SPATA12: variants seen among roughly 807,000 people sequenced by gnomAD.
SPATA12 encodes the protein spermatogenesis-associated protein 12.
For synonymous variants in SPATA12, 85 were observed against 89.2 expected (o/e 0.95, Z 0.26); for missense variants, 219 against 226.4 (o/e 0.97, Z 0.21).
At chr3:57,061,752 C>T (rs1375880218) in intron 1 of SPATA12, among the ~76,000 whole-genome samples, 1 of 152,204 alleles carries the variant, frequency 6.6e-6, no homozygotes, top group African/African-American at 2.4e-5. Flanking sequence ...AGTGAGCAGT[C>T]TCTCATCCTG....
At chr3:57,063,477 G>A (rs1705348002) in intron 1 of SPATA12, among the ~76,000 whole-genome samples, 1 of 152,158 alleles carries the variant, frequency 6.6e-6, no homozygotes, top group Non-Finnish European at 1.5e-5. Flanking sequence ...CCTGGAGGGT[G>A]GTAGGAGCGG....
intron 1 of SPATA12, among the ~76,000 whole-genome samples, chr3:57,068,854 A>G (rs1705713226): frequency 6.6e-6 from 1 of 152,102 alleles, no homozygotes; most frequent in Non-Finnish European, 1.5e-5. Context: ...GGATGGAAAC[A>G]AAATCCCTAT....
intron 1 of SPATA12, among the ~76,000 whole-genome samples, chr3:57,071,659 C>CAAA (rs34281617): frequency 3.2e-5 from 4 of 124,920 alleles, no homozygotes; most frequent in Non-Finnish European, 3.5e-5. Flanking sequence ...AACTCCATCT[C>CAAA]AAAAAAAAAA....
chr3:57,060,810 A>G (rs1275336875), intron 1 of SPATA12, 24 bp downstream of exon 1: 1 of 53,774 alleles, frequency 1.9e-5, no homozygotes, highest in African/African-American at 6.8e-5. Flanking sequence ...CTGCCGCCCC[A>G]CCCCCACCCC....
rs1250968278 is a variant in SPATA12 at position 57,074,474 on chromosome 3, G to A, written c.*207G>A. 1.7e-6 allele frequency: 1 copy of A among 594,976 alleles called. No individual in the cohort carries two copies. The highest frequency in any genetic ancestry group is 3.1e-6 in the Non-Finnish European group (1 of 327,806). 36.9% of individuals were successfully genotyped at this position (594,976 alleles called of 1,614,324 possible). A position where few individuals can be genotyped will look rare whatever the true frequency, so the allele number is the denominator to read the frequency against. On this transcript the variant is annotated 3_prime_UTR_variant, in exon 2 of 2. Transcript: ENST00000334325. ...GATGAAGAAATCAAGATTCAGAAAG[G>A]TTAAGTTACTGGCACAAGGTCACAC...
intron 1 of SPATA12, among the ~76,000 whole-genome samples, chr3:57,063,601 G>A (rs1705359293): frequency 6.6e-6 from 1 of 152,242 alleles, no homozygotes; most frequent in African/African-American, 2.4e-5. Flanking sequence ...AGGAGGTTGG[G>A]GTGCTCCTTA....
At chr3:57,065,388 G>C (rs1219954357) in intron 1 of SPATA12, among the ~76,000 whole-genome samples, 2 of 152,060 alleles carry the variant, frequency 1.3e-5, no homozygotes, top group Non-Finnish European at 2.9e-5. Context: ...TTGAGCCCAG[G>C]AGGCAGAGGT....
intron 1 of SPATA12, among the ~76,000 whole-genome samples, chr3:57,064,251 T>A (rs1705399062): frequency 6.6e-6 from 1 of 152,036 alleles, no homozygotes; most frequent in Admixed American, 6.6e-5. Context: ...AGTGACAGAG[T>A]GAGGCCCCGT....
intron 1 of SPATA12, among the ~76,000 whole-genome samples, chr3:57,061,266 T>C (rs1705209621): frequency 6.6e-6 from 1 of 152,214 alleles, no homozygotes; most frequent in Non-Finnish European, 1.5e-5. Context: ...TGGATCAGCA[T>C]GTTGTAGCAT....
Position 57,074,821 on chromosome 3 carries a change from C to T in SPATA12, c.*554C>T, listed in dbSNP as rs1706135507. ...CAGCAATGACCCCTAGGCTCATGCT[C>T]ATTCCCCAGGTGGCAGTTTCAGAAC... On this transcript the variant is annotated 3_prime_UTR_variant, in exon 2 of 2. Transcript: ENST00000334325. 1 of 168,820 alleles carries T rather than the reference C, an allele frequency of 5.9e-6. No individual in the cohort carries two copies. Among genetic ancestry groups the T allele is most frequent in the South Asian group, 2.0e-4 (1 of 4,900 alleles). The allele number at this position is 168,820 out of a possible 1,614,324, so 10.5% of individuals were successfully genotyped here.
At chr3:57,072,669 G>C (rs111418142) in intron 1 of SPATA12, among the ~76,000 whole-genome samples, 1,516 of 151,128 alleles carry the variant, frequency 0.01, 11 homozygotes, top group Non-Finnish European at 0.018. Flanking sequence ...GTGAACCCGG[G>C]GGGCAGAGGT....
chr3:57,066,456 T>A (rs1206932750), intron 1 of SPATA12, among the ~76,000 whole-genome samples: 2 of 152,064 alleles, frequency 1.3e-5, no homozygotes, highest in Non-Finnish European at 2.9e-5. Context: ...AGAGACGGGG[T>A]TTCACCATGT....
intron 1 of SPATA12, among the ~76,000 whole-genome samples, chr3:57,070,983 A>G (rs1705862376): frequency 6.7e-6 from 1 of 149,322 alleles, no homozygotes; most frequent in African/African-American, 2.4e-5. Context: ...AAAAAAAAAA[A>G]AAAAGAAAGA....
chr3:57,060,958 C>CTT (rs1705192836), intron 1 of SPATA12, among the ~76,000 whole-genome samples, 172 bp downstream of exon 1: 1 of 150,426 alleles, frequency 6.6e-6, no homozygotes, highest in African/African-American at 2.5e-5. Flanking sequence ...CTCTTATACT[C>CTT]TTTTTTATTG....
intron 1 of SPATA12, among the ~76,000 whole-genome samples, chr3:57,066,509 C>T (rs933213262): frequency 6.6e-6 from 1 of 152,178 alleles, no homozygotes; most frequent in East Asian, 1.9e-4. Context: ...GTGATCCATC[C>T]GCCTCGGCCT....
At chr3:57,071,036 T>C (rs1240573930) in intron 1 of SPATA12, among the ~76,000 whole-genome samples, 1 of 150,936 alleles carries the variant, frequency 6.6e-6, no homozygotes, top group African/African-American at 2.4e-5. Flanking sequence ...GGAGGATTCA[T>C]ACTTCCTGAT....
intron 1 of SPATA12, among the ~76,000 whole-genome samples, chr3:57,069,415 T>TCACA (rs1560176738): frequency 1.3e-4 from 17 of 131,412 alleles, no homozygotes; most frequent in African/African-American, 4.8e-4. Context: ...ACACACATTG[T>TCACA]TTGTTTAAAA....
intron 1 of SPATA12, among the ~76,000 whole-genome samples, chr3:57,063,820 G>A (rs1004809819): frequency 6.6e-6 from 1 of 152,222 alleles, no homozygotes; most frequent in African/African-American, 2.4e-5. Flanking sequence ...TGGAAGCCAA[G>A]CCTGCCTGAA....
chr3:57,064,793 A>G (rs998081372), intron 1 of SPATA12, among the ~76,000 whole-genome samples: 4 of 152,190 alleles, frequency 2.6e-5, no homozygotes, highest in African/African-American at 7.2e-5. Context: ...GCAGGGGGGA[A>G]TGGGAGTTGC....
Sources: gnomAD v4.1 joint callset for allele counts (sites outside exome capture counted in the v4.1 genomes callset) on GRCh38, gnomAD v4.1.1 for gene constraint, MANE v1.5 for transcripts, NCBI Gene and HGNC (gene_info 2026-07-23, HGNC 2026-07-21) for gene names.